MYO7A: variants seen among roughly 807,000 people sequenced by gnomAD.
MYO7A encodes the protein unconventional myosin-VIIa.
MYO7A carries 210 observed loss-of-function variants against 263.8 expected under a neutral mutation model. That is an observed-to-expected ratio of 0.80 (90% confidence interval 0.71 to 0.89). MYO7A has a LOEUF of 0.89. Among genes scored for constraint, MYO7A ranks in the 40% least tolerant of loss-of-function variants. The pLI is 0.00. For missense variants in MYO7A, 2,820 were observed against 2,968.3 expected, an observed-to-expected ratio of 0.95 and a Z score of 1.16; for synonymous variants, 1,239 against 1,197.3, an observed-to-expected ratio of 1.03 and a Z score of -0.72.
At chr11:77,197,234 T>C (rs765242153) in intron 32 of MYO7A, among the ~76,000 whole-genome samples, 42 of 152,220 alleles carry the variant, frequency 2.8e-4, no homozygotes, top group Non-Finnish European at 4.8e-4. Context: ...GAGGGGCAGC[T>C]ATGCTTTCTC....
chr11:77,202,975 TGGGGGTGGGG>T (rs1957173972), intron 37 of MYO7A, 75 bp from the exon 38 acceptor site: 1 of 1,330,894 alleles, frequency 7.5e-7, no homozygotes, highest in South Asian at 1.4e-5. Context: ...CAGGGATGGG[TGGGGGTGGGG>T]GTCTCACAAC....
At chr11:77,184,110 ACATCT>A (rs1464323033) in intron 26 of MYO7A, among the ~76,000 whole-genome samples, 1 of 152,216 alleles carries the variant, frequency 6.6e-6, no homozygotes, top group Non-Finnish European at 1.5e-5. Flanking sequence ...GAGAGGAGAA[ACATCT>A]CATAAGAACT....
chr11:77,181,865 G>A, intron 23 of MYO7A, 86 bp from the exon 24 acceptor site: 1 of 1,223,068 alleles, frequency 8.2e-7, no homozygotes, highest in Non-Finnish European at 1.2e-6. Context: ...GCTCACTGCA[G>A]CCTTGAACTT....
At chr11:77,168,691 G>C (rs1953797136) in intron 15 of MYO7A, among the ~76,000 whole-genome samples, 1 of 152,176 alleles carries the variant, frequency 6.6e-6, no homozygotes. Flanking sequence ...GCTACTTGGA[G>C]TGGGGGCTGA....
At chr11:77,176,516 AGTCTGGGAAG>A (rs1565395163) in intron 18 of MYO7A, among the ~76,000 whole-genome samples, 1 of 152,190 alleles carries the variant, frequency 6.6e-6, no homozygotes, top group African/African-American at 2.4e-5. Flanking sequence ...CAGGACTTCT[AGTCTGGGAAG>A]GTCTGATGCC....
chr11:77,211,220 G>T lies in MYO7A; in HGVS notation c.6120G>T (p.Leu2040=). The T allele has an allele frequency of 6.3e-7, 1 of 1,591,328 alleles. No homozygotes were observed. Among genetic ancestry groups the T allele is most frequent in the Non-Finnish European group, 8.6e-7 (1 of 1,169,264 alleles). The part of the protein sequence containing the change: ...TREEVLQLGA[L]IYRVKFEEDK... ...AGGAGGTGCTGCAGCTGGGGGCGCT[G>T]ATCTACAGGGTCAAGTTCGAGGAGG... Residue 2040 remains leucine, a synonymous_variant, in exon 45 of 49, where the codon CTG becomes CTT. Coordinates refer to ENST00000409709, the MANE Select transcript of MYO7A (RefSeq NM_000260.4).
intron 4 of MYO7A, 150 bp downstream of exon 4, chr11:77,148,100 C>T (rs998938865): frequency 2.7e-6 from 2 of 729,788 alleles, no homozygotes; most frequent in African/African-American, 3.8e-5. Flanking sequence ...ACCCCGGGGC[C>T]CCTGCTGGGG....
intron 24 of MYO7A, 37 bp downstream of exon 24, chr11:77,182,191 G>C: frequency 6.2e-7 from 1 of 1,609,476 alleles, no homozygotes; most frequent in East Asian, 2.2e-5. Context: ...TGCTGGGTGG[G>C]GCCAGGGCTG....
chr11:77,190,683 T>G lies in MYO7A; in HGVS notation c.3751-14T>G. ...AGGGAAGGGACCCCACAAACCCTCT[T>G]GGGGCACTTCCAGGCCACCAAGTCC... is the stretch of plus-strand genomic sequence containing the variant. On this transcript the variant is annotated splice_polypyrimidine_tract_variant and intron_variant, in intron 29 of 48. Coordinates refer to ENST00000409709, the MANE Select transcript of MYO7A (RefSeq NM_000260.4). 6.3e-7 allele frequency: 1 copy of G among 1,578,086 alleles called. No homozygotes were observed. The highest frequency in any genetic ancestry group is 8.6e-7 in the Non-Finnish European group (1 of 1,163,722).
chr11:77,163,181 C>T (rs1247524782), intron 14 of MYO7A, among the ~76,000 whole-genome samples, 193 bp downstream of exon 14: 4 of 152,056 alleles, frequency 2.6e-5, no homozygotes, highest in Non-Finnish European at 5.9e-5. Context: ...CAGTGCTGTG[C>T]ATCCAGTACT....
chr11:77,201,419 C>G, intron 35 of MYO7A, 29 bp from the exon 36 acceptor site: 1 of 1,600,364 alleles, frequency 6.2e-7, no homozygotes, highest in South Asian at 1.1e-5. Flanking sequence ...GTCTCTGCCC[C>G]CATGGTCCCA....
intron 3 of MYO7A, among the ~76,000 whole-genome samples, chr11:77,144,523 C>T (rs1375956089): frequency 6.6e-6 from 1 of 152,112 alleles, no homozygotes; most frequent in Admixed American, 6.5e-5. Context: ...AGGGGCAGTT[C>T]GGGAGGCTGG....
rs565348849 is a variant in MYO7A, at chr11:77,182,983, C to T, written c.3286-85C>T. 103 of 1,176,422 alleles carry T rather than the reference C, an allele frequency of 8.8e-5. 1 individual carries two copies. The African/African-American group carries it at 1.1e-3, about 13-fold the overall frequency. 72.9% of individuals were successfully genotyped at this position (1,176,422 alleles called of 1,614,324 possible). A position where few individuals can be genotyped will look rare whatever the true frequency, so the allele number is the denominator to read the frequency against. Reference sequence around the variant, plus strand: ...CTGTAAGCTTCACGTGGAAGCGAGACGGTTCCCCGCAAAGTCTTGCTGTCG... The same window carrying T: ...CTGTAAGCTTCACGTGGAAGCGAGATGGTTCCCCGCAAAGTCTTGCTGTCG... On this transcript the variant is annotated intron_variant, in intron 25 of 48. Coordinates refer to ENST00000409709, the MANE Select transcript of MYO7A (RefSeq NM_000260.4).
In MYO7A at chr11:77,203,756, C is replaced by T. The variant is rs191561779; in HGVS notation, c.5327-320C>T. On this transcript the variant is annotated intron_variant, in intron 38 of 48. Coordinates refer to ENST00000409709, the MANE Select transcript of MYO7A (RefSeq NM_000260.4). ...GCACAGACAGGATGGGAAGACTGGGCTTAGGCAGGGTTCCCAAGCCCTGTG... is the reference window on the plus strand; with the variant it reads ...GCACAGACAGGATGGGAAGACTGGGTTTAGGCAGGGTTCCCAAGCCCTGTG... Among the ~76,000 whole-genome samples the T allele has an allele frequency of 5.0e-4, 76 of 152,258 alleles. 1 individual carries two copies. Among genetic ancestry groups the T allele is most frequent in the Non-Finnish European group, 9.1e-4 (62 of 68,002 alleles).
intron 36 of MYO7A, 45 bp downstream of exon 36, chr11:77,201,683 C>T (rs1156362259): frequency 1.3e-6 from 2 of 1,583,532 alleles, no homozygotes; most frequent in Non-Finnish European, 1.7e-6. Flanking sequence ...TGCCATTAGA[C>T]CCCTCTTTGT....
intron 27 of MYO7A, among the ~76,000 whole-genome samples, chr11:77,188,077 C>T (rs782669725): frequency 3.3e-5 from 5 of 152,156 alleles, no homozygotes; most frequent in Non-Finnish European, 5.9e-5. Flanking sequence ...CTAGGAAACA[C>T]GGTGCCAGGA....
chr11:77,166,023 T>G, intron 14 of MYO7A, 33 bp from the exon 15 acceptor site: 1 of 1,536,252 alleles, frequency 6.5e-7, no homozygotes, highest in Non-Finnish European at 9.0e-7. Flanking sequence ...CTGCCAGAGC[T>G]GGTGAGAGGT....
intron 45 of MYO7A, 48 bp downstream of exon 45, chr11:77,211,385 C>T (rs748558988): frequency 3.4e-5 from 52 of 1,529,468 alleles, no homozygotes; most frequent in South Asian, 3.0e-4. Flanking sequence ...GAATGGGCCT[C>T]GGGGCACCCC....
intron 34 of MYO7A, among the ~76,000 whole-genome samples, chr11:77,198,913 A>C (rs148124224): frequency 1.8e-4 from 27 of 152,272 alleles, no homozygotes; most frequent in African/African-American, 5.5e-4. Context: ...ACTGAGTAGC[A>C]CTCACTCTAT....
Sources: gnomAD v4.1 joint callset for allele counts (sites outside exome capture counted in the v4.1 genomes callset) on GRCh38, gnomAD v4.1.1 for gene constraint, MANE v1.5 for transcripts, NCBI Gene and HGNC (gene_info 2026-07-23, HGNC 2026-07-21) for gene names.